SLIT3: variants seen among roughly 807,000 people sequenced by gnomAD.
The protein encoded by SLIT3 is slit guidance ligand 3.
In SLIT3, 68 loss-of-function variants were observed where a neutral mutation model predicts 184.0. That is an observed-to-expected ratio of 0.37 (90% confidence interval 0.30 to 0.45). The LOEUF is 0.45. SLIT3 is among the 20% of genes least tolerant of loss of function. The pLI is 1.00. For synonymous variants in SLIT3, 831 were observed against 828.6 expected (o/e 1.00, Z -0.05); for missense variants, 1,707 against 2,026.0 (o/e 0.84, Z 3.02).
intron 4 of SLIT3, among the ~76,000 whole-genome samples, chr5:168,897,181 T>G (rs879670405): frequency 6.6e-6 from 1 of 152,012 alleles, no homozygotes; most frequent in Non-Finnish European, 1.5e-5. Flanking sequence ...ACTAAGAAAA[T>G]AAGAAGACAG....
At position 168,700,794 on chromosome 5, in the gene SLIT3, A is replaced by G. The variant is rs1337062756; in HGVS notation, c.2845-115T>C. The stretch of plus-strand genomic sequence containing the variant: ...GTGATGAGGCTGGGGAGATGACAAC[A>G]AGGAGCCCCTAGGAAAGGCCTGCTG... On this transcript the variant is annotated intron_variant, in intron 26 of 35. Coordinates refer to ENST00000519560, the MANE Select transcript of SLIT3 (RefSeq NM_003062.4). The G allele has an allele frequency of 5.3e-6, 4 of 749,566 alleles. No individual in the cohort carries two copies. The Admixed American group carries it at 6.6e-5, about 12-fold the overall frequency. The allele number at this position is 749,566 out of a possible 1,614,324, so 46.4% of individuals were successfully genotyped here. A position where few individuals can be genotyped will look rare whatever the true frequency, so the allele number is the denominator to read the frequency against.
At chr5:169,131,840 T>C (rs917051705) in intron 4 of SLIT3, among the ~76,000 whole-genome samples, 17 of 152,202 alleles carry the variant, frequency 1.1e-4, no homozygotes, top group African/African-American at 3.9e-4. Context: ...TGTGAAGCAA[T>C]ACTGGCCTTG....
At chr5:169,079,013 G>GA (rs58775099) in intron 4 of SLIT3, among the ~76,000 whole-genome samples, 13 of 151,592 alleles carry the variant, frequency 8.6e-5, no homozygotes, top group African/African-American at 2.2e-4. Context: ...GAGGAGATTG[G>GA]AAAAAAAAAT....
intron 4 of SLIT3, among the ~76,000 whole-genome samples, chr5:169,182,951 G>C (rs964720511): frequency 1.3e-5 from 2 of 152,300 alleles, no homozygotes; most frequent in Middle Eastern, 3.4e-3. Flanking sequence ...AGGGTGCTGA[G>C]AGCAGCACTG....
chr5:168,772,977 G>T, intron 13 of SLIT3, 33 bp from the exon 14 acceptor site: 1 of 1,553,448 alleles, frequency 6.4e-7, no homozygotes, highest in South Asian at 1.2e-5. Flanking sequence ...AATCAGGAGT[G>T]ACCCACGGCG....
At chr5:168,895,720 A>G (rs939693082) in intron 4 of SLIT3, among the ~76,000 whole-genome samples, 1 of 152,222 alleles carries the variant, frequency 6.6e-6, no homozygotes, top group Non-Finnish European at 1.5e-5. Context: ...GTTATTGCTA[A>G]TAACTCACAC....
At position 169,149,874 on chromosome 5, in the gene SLIT3, C is replaced by A. The variant is rs1218958121; in HGVS notation, c.413+43605G>T. ...TGGCTGCAGCAGGCTAGATGAGACC[C>A]TCTACTTTTGTTGACTTCCCTCTAT... On this transcript the variant is annotated intron_variant, in intron 4 of 35. Transcript: ENST00000519560. Among the ~76,000 whole-genome samples the A allele has an allele frequency of 2.6e-5, 4 of 152,202 alleles. No individual in the cohort carries two copies. In the East Asian group the frequency reaches 7.7e-4, roughly 29 times the overall value.
chr5:168,964,866 T>C (rs532381283), intron 4 of SLIT3, among the ~76,000 whole-genome samples: 71 of 152,302 alleles, frequency 4.7e-4, no homozygotes, highest in African/African-American at 1.6e-3. Flanking sequence ...TGATGCCCAC[T>C]AGGGCCCTTA....
intron 1 of SLIT3, among the ~76,000 whole-genome samples, chr5:169,278,854 G>C (rs1766902248): frequency 6.6e-6 from 1 of 152,184 alleles, no homozygotes; most frequent in South Asian, 2.1e-4. Context: ...AGAACCCACA[G>C]CTCAAGGGGT....
At chr5:169,260,886 T>G (rs1766147761) in intron 1 of SLIT3, among the ~76,000 whole-genome samples, 1 of 152,234 alleles carries the variant, frequency 6.6e-6, no homozygotes, top group Non-Finnish European at 1.5e-5. Flanking sequence ...TAGACTATGA[T>G]AAACGCTGTA....
intron 1 of SLIT3, among the ~76,000 whole-genome samples, chr5:169,265,466 T>C (rs775339704): frequency 4.6e-5 from 7 of 152,198 alleles, no homozygotes. Flanking sequence ...AATTCACCAG[T>C]CCACCTGATC....
At chr5:168,869,420 G>A (rs1037363057) in intron 5 of SLIT3, among the ~76,000 whole-genome samples, 11 of 152,166 alleles carry the variant, frequency 7.2e-5, no homozygotes, top group African/African-American at 2.7e-4. Flanking sequence ...GTTGTCACAA[G>A]GATTAAGGGA....
chr5:169,035,048 C>T (rs955304568), intron 4 of SLIT3, among the ~76,000 whole-genome samples: 11 of 151,780 alleles, frequency 7.2e-5, no homozygotes, highest in Admixed American at 2.0e-4. Flanking sequence ...TCCCAAAGTG[C>T]TGGGATTACA....
intron 1 of SLIT3, among the ~76,000 whole-genome samples, chr5:169,268,921 C>CA (rs144181205): frequency 0.046 from 6,989 of 152,218 alleles, 541 homozygotes; most frequent in African/African-American, 0.16. Context: ...ATAAGGGGGA[C>CA]ACTCTTATTA....
At chr5:169,209,579 G>A (rs1001155580) in intron 3 of SLIT3, among the ~76,000 whole-genome samples, 4 of 150,886 alleles carry the variant, frequency 2.7e-5, no homozygotes, top group Non-Finnish European at 5.9e-5. Context: ...ATAAAGAAAA[G>A]GTGGCATATA....
intron 2 of SLIT3, among the ~76,000 whole-genome samples, chr5:169,250,672 C>T (rs1286700611): frequency 6.6e-6 from 1 of 152,202 alleles, no homozygotes; most frequent in Non-Finnish European, 1.5e-5. Flanking sequence ...GGCCAATTGG[C>T]CCAGTCTGTA....
chr5:168,881,033 A>T (rs1278075779), intron 5 of SLIT3, among the ~76,000 whole-genome samples: 1 of 152,240 alleles, frequency 6.6e-6, no homozygotes, highest in Non-Finnish European at 1.5e-5. Context: ...TTAGAGGTAC[A>T]CAGTATTCAA....
intron 1 of SLIT3, among the ~76,000 whole-genome samples, chr5:169,293,437 G>A (rs977964054): frequency 5.4e-4 from 82 of 152,142 alleles, no homozygotes; most frequent in Middle Eastern, 3.4e-3. Flanking sequence ...CTCTTCCAAC[G>A]CTGACGATCT....
intron 4 of SLIT3, among the ~76,000 whole-genome samples, chr5:169,017,639 G>A (rs1464866969): frequency 1.3e-5 from 2 of 152,184 alleles, no homozygotes; most frequent in Non-Finnish European, 2.9e-5. Context: ...CATGGCAATG[G>A]GCTAAATCTC....
Sources: allele counts gnomAD v4.1 joint callset (sites outside exome capture counted in the v4.1 genomes callset), GRCh38; gene constraint gnomAD v4.1.1; transcripts MANE v1.5; gene names NCBI Gene and HGNC (gene_info 2026-07-23, HGNC 2026-07-21).